The following RBFOX1 variants were observed in gnomAD, a reference collection of about 807,000 sequenced individuals.
RBFOX1 encodes the protein RNA binding fox-1 homolog 1, also known as RNA binding protein fox-1 homolog 1.
In RBFOX1, 8 loss-of-function variants were observed where a neutral mutation model predicts 57.7. The observed-to-expected ratio is 0.14, with a 90% CI of 0.08 to 0.25. The LOEUF (loss-of-function observed/expected upper bound fraction) is 0.25, where lower values mean the gene tolerates loss of function less well. Among genes scored for constraint, RBFOX1 ranks in the 10% least tolerant of loss-of-function variants. The probability of loss-of-function intolerance (pLI) is 1.00; values close to 1 mark genes in which losing one functional copy is unlikely to be tolerated. For synonymous variants in RBFOX1, 326 were observed against 222.4 expected (o/e 1.47, Z -4.15); for missense variants, 611 against 548.5 (o/e 1.11, Z -1.14).
At chr16:5,830,904 C>G (rs1389816704) in intron 3 of RBFOX1, among the ~76,000 whole-genome samples, 1 of 152,182 alleles carries the variant, frequency 6.6e-6, no homozygotes, top group East Asian at 1.9e-4. Flanking sequence ...ATTTGAGCCT[C>G]TCCTGTGATG....
intron 4 of RBFOX1, among the ~76,000 whole-genome samples, chr16:7,102,786 C>T (rs1024062877): frequency 3.3e-5 from 5 of 152,132 alleles, no homozygotes; most frequent in African/African-American, 9.7e-5. Context: ...TGTCATTTTA[C>T]AAAGAAATGA....
chr16:6,070,231 T>C (rs1165904766), intron 1 of RBFOX1, among the ~76,000 whole-genome samples: 1 of 152,172 alleles, frequency 6.6e-6, no homozygotes, highest in Non-Finnish European at 1.5e-5. Flanking sequence ...TTTGAGTAAA[T>C]ATTCTGTATG....
chr16:7,052,297 T>C (rs560388798), intron 4 of RBFOX1, among the ~76,000 whole-genome samples, 199 bp downstream of exon 4: 1 of 152,350 alleles, frequency 6.6e-6, no homozygotes, highest in African/African-American at 2.4e-5. Context: ...AGTGCCGTTA[T>C]AGTAGATATG....
At chr16:7,639,186 G>A (rs960453962) in intron 11 of RBFOX1, among the ~76,000 whole-genome samples, 1 of 152,124 alleles carries the variant, frequency 6.6e-6, no homozygotes, top group Non-Finnish European at 1.5e-5. Flanking sequence ...TCTAAGACCT[G>A]CCCCAGTTTC....
intron 1 of RBFOX1, among the ~76,000 whole-genome samples, chr16:6,265,230 AT>A (rs911185555): frequency 6.7e-5 from 10 of 148,894 alleles, no homozygotes; most frequent in Admixed American, 2.0e-4. Context: ...AAGTGGCCCT[AT>A]TTTTTTTTTG....
intron 1 of RBFOX1, among the ~76,000 whole-genome samples, chr16:6,224,042 T>C (rs2097397620): frequency 6.6e-6 from 1 of 152,084 alleles, no homozygotes; most frequent in South Asian, 2.1e-4. Flanking sequence ...GAGGGCTCTG[T>C]TCTGTTCCAT....
At chr16:6,937,816 G>C (rs965319683) in intron 3 of RBFOX1, among the ~76,000 whole-genome samples, 1 of 151,994 alleles carries the variant, frequency 6.6e-6, no homozygotes, top group African/African-American at 2.4e-5. Context: ...GATTGCAAAT[G>C]TTTCTTTTCA....
At chr16:6,918,057 C>T (rs573674141) in intron 3 of RBFOX1, among the ~76,000 whole-genome samples, 3 of 152,194 alleles carry the variant, frequency 2.0e-5, no homozygotes, top group Non-Finnish European at 2.9e-5. Context: ...GAGGTCGAGG[C>T]GGGTGGATCG....
intron 1 of RBFOX1, among the ~76,000 whole-genome samples, chr16:5,343,063 A>G (rs2065065742): frequency 6.6e-6 from 1 of 152,166 alleles, no homozygotes; most frequent in African/African-American, 2.4e-5. Context: ...GTGGTCATAC[A>G]ACCTAGAATG....
intron 1 of RBFOX1, among the ~76,000 whole-genome samples, chr16:6,231,610 G>A (rs994131035): frequency 6.6e-6 from 1 of 152,208 alleles, no homozygotes; most frequent in Non-Finnish European, 1.5e-5. Flanking sequence ...TGCCTGTTCT[G>A]AATGGTTGAT....
chr16:6,994,653 C>T (rs1046807067), intron 3 of RBFOX1, among the ~76,000 whole-genome samples: 1 of 152,186 alleles, frequency 6.6e-6, no homozygotes, highest in Non-Finnish European at 1.5e-5. Flanking sequence ...AAAGTGCCAT[C>T]CACTTAATCT....
chr16:5,955,360 A>G (rs7498739), intron 4 of RBFOX1, among the ~76,000 whole-genome samples: 29,892 of 57,666 alleles, frequency 0.52, 5,616 homozygotes, highest in African/African-American at 0.58. Context: ...ATAAATAAAA[A>G]TAAAATAAAA....
At chr16:5,611,750 T>TCCATC (rs2047809447) in intron 3 of RBFOX1, among the ~76,000 whole-genome samples, 23 of 6,828 alleles carry the variant, frequency 3.4e-3, no homozygotes, top group African/African-American at 0.011. Context: ...ATCCATCCAT[T>TCCATC]CACCCTTCTT....
chr16:7,640,619 T>A (rs1347900532), intron 11 of RBFOX1, among the ~76,000 whole-genome samples: 1 of 152,120 alleles, frequency 6.6e-6, no homozygotes, highest in Non-Finnish European at 1.5e-5. Context: ...CGAGATGAGA[T>A]GTTTCAGAAA....
rs767727470 is a variant in RBFOX1 at position 7,333,037 on chromosome 16, T to C, written c.28-185110T>C. The C allele has an allele frequency of 1.7e-5, 27 of 1,613,800 alleles. No individual in the cohort carries two copies. The highest frequency in any genetic ancestry group is 9.9e-5 in the South Asian group (9 of 91,080). On this transcript the variant is annotated intron_variant, in intron 4 of 15. Coordinates refer to ENST00000550418, the MANE Select transcript of RBFOX1 (RefSeq NM_018723.4). ...CTCAAGGAGTTCTCCTGCATCCTTATGGCGTGCCTATGATTGTACCGGCAG... is the reference window on the plus strand; with the variant it reads ...CTCAAGGAGTTCTCCTGCATCCTTACGGCGTGCCTATGATTGTACCGGCAG...
At chr16:5,517,356 A>G (rs1191001430) in intron 2 of RBFOX1, among the ~76,000 whole-genome samples, 1 of 152,138 alleles carries the variant, frequency 6.6e-6, no homozygotes, top group Non-Finnish European at 1.5e-5. Context: ...TCTTCTCACT[A>G]TAGGCTTTCC....
At chr16:7,078,933 C>G (rs1185224007) in intron 4 of RBFOX1, among the ~76,000 whole-genome samples, 1 of 121,828 alleles carries the variant, frequency 8.2e-6, no homozygotes, top group Non-Finnish European at 1.6e-5. Context: ...TGGTCTTGAG[C>G]TCCTGACCTC....
At chr16:5,317,620 CAAAA>C (rs888497620) in intron 1 of RBFOX1, among the ~76,000 whole-genome samples, 1 of 151,378 alleles carries the variant, frequency 6.6e-6, no homozygotes, top group Non-Finnish European at 1.5e-5. Context: ...AAGTGAAAAA[CAAAA>C]AAAAGCGAAC....
intron 3 of RBFOX1, among the ~76,000 whole-genome samples, chr16:6,876,795 A>G (rs542744954): frequency 2.0e-5 from 3 of 152,304 alleles, no homozygotes; most frequent in South Asian, 4.1e-4. Context: ...AAAACATGAA[A>G]TAACTGTATC....
Sources: gnomAD v4.1 joint callset for allele counts (sites outside exome capture counted in the v4.1 genomes callset) on GRCh38, gnomAD v4.1.1 for gene constraint, MANE v1.5 for transcripts, NCBI Gene and HGNC (gene_info 2026-07-23, HGNC 2026-07-21) for gene names.